ARHGAP32: variants seen among roughly 807,000 people sequenced by gnomAD.
The protein encoded by ARHGAP32 is rho GTPase-activating protein 32.
ARHGAP32 carries 51 observed loss-of-function variants against 186.5 expected under a neutral mutation model. The observed-to-expected ratio is 0.27, with a 90% confidence interval of 0.22 to 0.35. The LOEUF (loss-of-function observed/expected upper bound fraction) is 0.35, where lower values mean the gene tolerates loss of function less well. Ranked by LOEUF, ARHGAP32 falls within the 10% of genes least tolerant of loss-of-function variation. The pLI is 1.00. For synonymous variants in ARHGAP32, 950 were observed against 964.3 expected (o/e 0.99, Z 0.27); for missense variants, 2,186 against 2,623.5 (o/e 0.83, Z 3.64).
At chr11:129,095,597 A>C (rs1941707856) in intron 5 of ARHGAP32, among the ~76,000 whole-genome samples, 1 of 152,186 alleles carries the variant, frequency 6.6e-6, no homozygotes, top group African/African-American at 2.4e-5. Flanking sequence ...AGTGAAACAG[A>C]GGAAAGGAGA....
At chr11:129,199,126 G>A in intron 1 of ARHGAP32, among the ~76,000 whole-genome samples, 1 of 152,210 alleles carries the variant, frequency 6.6e-6, no homozygotes. Context: ...AAGCATTCAA[G>A]ATGTGACTGG....
intron 5 of ARHGAP32, among the ~76,000 whole-genome samples, chr11:129,097,356 G>C (rs1232930507): frequency 6.6e-6 from 1 of 152,056 alleles, no homozygotes; most frequent in Non-Finnish European, 1.5e-5. Flanking sequence ...AAAAAGATCT[G>C]ATAGTAGGTT....
rs189173889 is a variant in ARHGAP32 at position 129,083,132 on chromosome 11, G to C, written c.531+10489C>G. 5.3e-5 allele frequency among the ~76,000 whole-genome samples: 8 copies of C among 152,048 alleles called. No individual in the cohort carries two copies. The East Asian group carries it at 1.5e-3, about 29-fold the overall frequency. On this transcript the variant is annotated intron_variant, in intron 6 of 22. Transcript: ENST00000682385. ...ATTGATGTGGTAAAAAGGGAAAACT[G>C]GTGAGAATGTAAACTAGTACAACCA...
intron 1 of ARHGAP32, among the ~76,000 whole-genome samples, chr11:129,169,631 CAAAAAAAAAAAAAAA>C (rs35715241): frequency 2.7e-5 from 2 of 75,150 alleles, no homozygotes. Context: ...GACTCTGTCT[CAAAAAAAAAAAAAAA>C]AAAAAAAAAG....
chr11:129,272,922 G>A (rs1403864415), intron 1 of ARHGAP32, among the ~76,000 whole-genome samples: 1 of 152,076 alleles, frequency 6.6e-6, no homozygotes, highest in East Asian at 1.9e-4. Flanking sequence ...AATCAATTAC[G>A]CAGAATGTGT....
In ARHGAP32 at chr11:128,998,335, T is replaced by C. The variant is rs1198698678; in HGVS notation, c.1179A>G (p.Leu393=). 3 of 1,571,810 alleles carry C rather than the reference T, an allele frequency of 1.9e-6. No individual in the cohort carries two copies. The highest frequency in any genetic ancestry group is 1.7e-4 in the Middle Eastern group (1 of 5,900). The change falls in exon 12 of 23, where the codon CTA becomes CTG. Residue 393 remains leucine (L), a synonymous_variant. Transcript: ENST00000682385. The part of the protein sequence containing the change: ...VFGCDLGEHL[L]NSGFEVPQVL... ...TATTTTTACCTTCAAAACCAGAATT[T>C]AGAAGGTGTTCCCCCAGGTCACAAC...
intron 2 of ARHGAP32, among the ~76,000 whole-genome samples, chr11:129,159,295 T>C (rs534978243): frequency 7.9e-5 from 12 of 152,074 alleles, no homozygotes; most frequent in Middle Eastern, 6.8e-3. Flanking sequence ...GCAAAATGGA[T>C]AGACTGCTAG....
At position 128,972,497 on chromosome 11, in the gene ARHGAP32, G is replaced by C; in HGVS notation, c.4009C>G (p.Gln1337Glu). The change falls in exon 22 of 23, where the codon CAG (glutamine) becomes GAG (glutamate). Residue 1337 changes from glutamine (Q) to glutamate (E), a missense_variant. Coordinates refer to ENST00000682385, the MANE Select transcript of ARHGAP32 (RefSeq NM_001378024.1). ...CCTATATTGGTTGCTGCTTGTACCT[G>C]CCCCACAACTGGTGGCTGCTCTGCA... ...RSAEQPPVVG[Q>E]VQAATNIGLN... 6.5e-7 allele frequency: 1 copy of C among 1,531,120 alleles called. No homozygotes were observed. The highest frequency in any genetic ancestry group is 8.8e-7 in the Non-Finnish European group (1 of 1,140,234). The allele number at this position is 1,531,120 out of a possible 1,614,324, so 94.8% of individuals were successfully genotyped here. A position where few individuals can be genotyped will look rare whatever the true frequency, so the allele number is the denominator to read the frequency against.
At chr11:129,149,526 G>A (rs1329455790) in intron 2 of ARHGAP32, among the ~76,000 whole-genome samples, 2 of 152,196 alleles carry the variant, frequency 1.3e-5, no homozygotes, top group Non-Finnish European at 2.9e-5. Flanking sequence ...GCTAGACCCA[G>A]AAGAGAAATA....
At chr11:129,104,557 T>A (rs1941997236) in intron 5 of ARHGAP32, among the ~76,000 whole-genome samples, 1 of 151,480 alleles carries the variant, frequency 6.6e-6, no homozygotes, top group Admixed American at 6.6e-5. Context: ...TTTTTAAATG[T>A]CAATAACCTT....
chr11:128,985,981 G>C, intron 15 of ARHGAP32, 22 bp downstream of exon 15: 1 of 1,588,200 alleles, frequency 6.3e-7, no homozygotes, highest in South Asian at 1.1e-5. Context: ...CCTCTGCCTG[G>C]TATTTACCCA....
At chr11:129,021,288 TGA>T in intron 11 of ARHGAP32, among the ~76,000 whole-genome samples, 1 of 152,042 alleles carries the variant, frequency 6.6e-6, no homozygotes, top group Non-Finnish European at 1.5e-5. Flanking sequence ...AACAATTCAC[TGA>T]GAGAAAGAGA....
intron 1 of ARHGAP32, among the ~76,000 whole-genome samples, chr11:129,257,244 A>AT (rs1945266145): frequency 6.6e-6 from 1 of 152,180 alleles, no homozygotes; most frequent in African/African-American, 2.4e-5. Context: ...ATATTGAAAT[A>AT]TTTTTTAAGT....
intron 8 of ARHGAP32, 101 bp from the exon 9 acceptor site, chr11:129,064,125 A>G: frequency 9.5e-7 from 1 of 1,047,224 alleles, no homozygotes; most frequent in Non-Finnish European, 1.3e-6. Context: ...AGATACAATA[A>G]CCCAAAGAGT....
intron 1 of ARHGAP32, among the ~76,000 whole-genome samples, chr11:129,258,786 T>G (rs539973131): frequency 2.0e-5 from 3 of 152,354 alleles, no homozygotes; most frequent in African/African-American, 7.2e-5. Flanking sequence ...ATCAACCAGT[T>G]AAGATTTTAT....
rs921824921 is a variant in ARHGAP32 at position 128,973,533 on chromosome 11, C to T, written c.3074-101G>A. On this transcript the variant is annotated intron_variant, in intron 21 of 22. Transcript: ENST00000682385. ...CCATGTGATCATTAAAAAATAGGTG[C>T]CTTCCATATTTCAAAATGGCAATCC... 3.9e-6 allele frequency: 5 copies of T among 1,294,046 alleles called. No individual in the cohort carries two copies. In the South Asian group the frequency reaches 4.3e-5, roughly 11 times the overall value. 80.2% of individuals were successfully genotyped at this position (1,294,046 alleles called of 1,614,324 possible). A position where few individuals can be genotyped will look rare whatever the true frequency, so the allele number is the denominator to read the frequency against.
chr11:129,057,865 G>C (rs1307605046), intron 10 of ARHGAP32, among the ~76,000 whole-genome samples: 1 of 152,084 alleles, frequency 6.6e-6, no homozygotes, highest in African/African-American at 2.4e-5. Context: ...ACAAGAAGAA[G>C]GGATTAGGAC....
intron 1 of ARHGAP32, among the ~76,000 whole-genome samples, chr11:129,237,467 G>A (rs917279152): frequency 1.2e-4 from 18 of 152,134 alleles, no homozygotes; most frequent in African/African-American, 4.3e-4. Flanking sequence ...ATTATTTATT[G>A]GGTAGTGATA....
At chr11:129,079,010 G>T (rs1211799722) in intron 6 of ARHGAP32, among the ~76,000 whole-genome samples, 1 of 151,502 alleles carries the variant, frequency 6.6e-6, no homozygotes, top group East Asian at 1.9e-4. Context: ...GTAAAAGAAG[G>T]AACTTCAGAA....
Sources: allele counts gnomAD v4.1 joint callset (sites outside exome capture counted in the v4.1 genomes callset), GRCh38; gene constraint gnomAD v4.1.1; transcripts MANE v1.5; gene names NCBI Gene and HGNC (gene_info 2026-07-23, HGNC 2026-07-21).